The following DAAM1 variants were observed in gnomAD, a reference collection of about 807,000 sequenced individuals.
DAAM1 encodes dishevelled associated activator of morphogenesis 1, also known as disheveled-associated activator of morphogenesis 1.
DAAM1 carries 52 observed loss-of-function variants against 130.0 expected under a neutral mutation model. The ratio of observed to expected loss-of-function variants is 0.40; its 90% CI spans 0.32 to 0.50. The LOEUF (loss-of-function observed/expected upper bound fraction) is 0.50. Ranked by LOEUF, DAAM1 falls within the 20% of genes least tolerant of loss-of-function variation. The pLI is 0.61. For synonymous variants in DAAM1, 452 were observed against 444.5 expected (o/e 1.02, Z -0.21); for missense variants, 1,134 against 1,303.8 (o/e 0.87, Z 2.01).
At chr14:59,296,834 C>T (rs1456640702) in intron 3 of DAAM1, among the ~76,000 whole-genome samples, 2 of 152,260 alleles carry the variant, frequency 1.3e-5, no homozygotes, top group African/African-American at 2.4e-5. Flanking sequence ...CAAGTTTGGA[C>T]GATTGACCAA....
chr14:59,368,374 A>G (rs1034256367), intron 24 of DAAM1, among the ~76,000 whole-genome samples: 3 of 151,992 alleles, frequency 2.0e-5, no homozygotes, highest in African/African-American at 7.2e-5. Flanking sequence ...AATTGCCTCA[A>G]TTGCTCTTAT....
chr14:59,193,449 T>C (rs1887794229), intron 1 of DAAM1, among the ~76,000 whole-genome samples: 1 of 152,258 alleles, frequency 6.6e-6, no homozygotes, highest in African/African-American at 2.4e-5. Flanking sequence ...TTTTCAGAAA[T>C]AAAAGGTTAC....
intron 21 of DAAM1, 68 bp downstream of exon 21, chr14:59,359,572 T>A: frequency 1.7e-6 from 2 of 1,186,282 alleles, no homozygotes; most frequent in Non-Finnish European, 2.5e-6. Context: ...TGAGGTAGTT[T>A]GCACTGCATG....
chr14:59,327,469 G>A (rs141442558), intron 12 of DAAM1, among the ~76,000 whole-genome samples: 82 of 130,728 alleles, frequency 6.3e-4, no homozygotes, highest in Non-Finnish European at 9.6e-4. Context: ...AATCAGTGGC[G>A]CCATCTCGGC....
At chr14:59,225,923 G>GATAT (rs138503461) in intron 1 of DAAM1, among the ~76,000 whole-genome samples, 3 of 151,988 alleles carry the variant, frequency 2.0e-5, no homozygotes, top group African/African-American at 7.3e-5. Flanking sequence ...TCTATGAATT[G>GATAT]ATATATATAT....
chr14:59,194,149 T>C (rs1401870733), intron 1 of DAAM1, among the ~76,000 whole-genome samples: 1 of 133,210 alleles, frequency 7.5e-6, no homozygotes, highest in Non-Finnish European at 1.7e-5. Context: ...GCCTGGTTTC[T>C]GACTTTCCGG....
At chr14:59,356,869 T>C (rs984483369) in intron 20 of DAAM1, among the ~76,000 whole-genome samples, 3 of 152,254 alleles carry the variant, frequency 2.0e-5, no homozygotes, top group African/African-American at 7.2e-5. Context: ...GTTTCCTCTT[T>C]TTTTTCTGCC....
At chr14:59,234,464 G>T (rs913533341) in intron 1 of DAAM1, among the ~76,000 whole-genome samples, 3 of 152,082 alleles carry the variant, frequency 2.0e-5, no homozygotes, top group African/African-American at 7.2e-5. Flanking sequence ...TGTGATTTTT[G>T]CACATTGATT....
At chr14:59,318,862 T>G (rs781095202) in intron 4 of DAAM1, among the ~76,000 whole-genome samples, 3 of 152,228 alleles carry the variant, frequency 2.0e-5, no homozygotes, top group Non-Finnish European at 4.4e-5. Flanking sequence ...GCTATTCAAA[T>G]GTGCCACCCT....
At chr14:59,318,280 G>A (rs963275118) in intron 4 of DAAM1, among the ~76,000 whole-genome samples, 1 of 151,772 alleles carries the variant, frequency 6.6e-6, no homozygotes, top group Non-Finnish European at 1.5e-5. Context: ...TCAAACGGGA[G>A]CTAAGTTCCA....
intron 2 of DAAM1, among the ~76,000 whole-genome samples, chr14:59,271,471 G>C (rs1882702709): frequency 6.6e-6 from 1 of 151,602 alleles, no homozygotes; most frequent in African/African-American, 2.4e-5. Flanking sequence ...AATGAAGGTA[G>C]GAGAAATGAA....
chr14:59,325,315 A>T (rs958570535), intron 8 of DAAM1, among the ~76,000 whole-genome samples: 3 of 152,204 alleles, frequency 2.0e-5, no homozygotes, highest in African/African-American at 7.2e-5. Context: ...GTGATCTTTA[A>T]TTCAGCTGGA....
chr14:59,244,392 C>A (rs1318832630), intron 1 of DAAM1, among the ~76,000 whole-genome samples: 1 of 152,180 alleles, frequency 6.6e-6, no homozygotes, highest in African/African-American at 2.4e-5. Context: ...CTACAACATA[C>A]ACTCACTCCC....
chr14:59,208,070 G>A (rs745670130), intron 1 of DAAM1, among the ~76,000 whole-genome samples: 66 of 152,162 alleles, frequency 4.3e-4, no homozygotes, highest in Non-Finnish European at 4.7e-4. Flanking sequence ...CATTACCTGC[G>A]CTCTTTTGCA....
intron 1 of DAAM1, among the ~76,000 whole-genome samples, chr14:59,232,604 T>C (rs902429166): frequency 2.0e-5 from 3 of 151,950 alleles, no homozygotes; most frequent in African/African-American, 7.2e-5. Context: ...TGCATTTCTT[T>C]TTTTTTCTTT....
chr14:59,255,671 T>A (rs1312003319), intron 1 of DAAM1, among the ~76,000 whole-genome samples: 1 of 152,230 alleles, frequency 6.6e-6, no homozygotes, highest in Non-Finnish European at 1.5e-5. Context: ...AACCTTTCTC[T>A]TTAAAGATGC....
At chr14:59,338,896 T>C (rs181165076) in intron 15 of DAAM1, among the ~76,000 whole-genome samples, 56 of 152,344 alleles carry the variant, frequency 3.7e-4, no homozygotes, top group South Asian at 1.2e-3. Context: ...ATGCTTGATA[T>C]GCTTAGTGTC....
At chr14:59,344,394 A>G (rs1885984202) in intron 16 of DAAM1, among the ~76,000 whole-genome samples, 2 of 152,226 alleles carry the variant, frequency 1.3e-5, no homozygotes, top group South Asian at 2.1e-4. Flanking sequence ...CCTGCCTTGT[A>G]AAGAAAGTTG....
chr14:59,337,858 G>A (rs143395970), intron 15 of DAAM1, among the ~76,000 whole-genome samples: 81 of 134,586 alleles, frequency 6.0e-4, no homozygotes, highest in African/African-American at 2.0e-3. Context: ...GACTTGAGTT[G>A]TTCAACCTGT....
Sources: allele counts gnomAD v4.1 joint callset (sites outside exome capture counted in the v4.1 genomes callset), GRCh38; gene constraint gnomAD v4.1.1; transcripts MANE v1.5; gene names NCBI Gene and HGNC (gene_info 2026-07-23, HGNC 2026-07-21).